EYS: variants seen among roughly 807,000 people sequenced by gnomAD.
EYS encodes the protein EGF-like photoreceptor maintenance factor.
A neutral mutation model predicts 282.1 loss-of-function variants in EYS; 250 were observed. That is an observed-to-expected ratio of 0.89 (90% CI 0.80 to 0.98). EYS has a LOEUF of 0.98. EYS is among the 50% of genes least tolerant of loss of function. EYS has a pLI of 0.00. For synonymous variants in EYS, 1,355 were observed against 1,282.9 expected, an observed-to-expected ratio of 1.06 and a Z score of -1.20; for missense variants, 4,016 against 3,709.0, an observed-to-expected ratio of 1.08 and a Z score of -2.15.
At chr6:64,066,088 C>T (rs1771356300) in intron 33 of EYS, among the ~76,000 whole-genome samples, 1 of 151,892 alleles carries the variant, frequency 6.6e-6, no homozygotes, top group Non-Finnish European at 1.5e-5. Context: ...ATGGTGAAAC[C>T]CCATCTCTAC....
chr6:65,003,747 A>C (rs891343787), intron 13 of EYS, among the ~76,000 whole-genome samples: 1 of 147,446 alleles, frequency 6.8e-6, no homozygotes, highest in Non-Finnish European at 1.5e-5. Context: ...AACCTACGTG[A>C]ATATCAGGGC....
chr6:65,121,822 T>C (rs957947945), intron 12 of EYS, among the ~76,000 whole-genome samples: 23 of 152,304 alleles, frequency 1.5e-4, no homozygotes, highest in African/African-American at 5.3e-4. Context: ...CTAGGTAAAA[T>C]TTAAAGCAGA....
intron 26 of EYS, among the ~76,000 whole-genome samples, chr6:64,543,997 AT>A (rs1451491056): frequency 6.6e-6 from 1 of 152,196 alleles, no homozygotes; most frequent in Non-Finnish European, 1.5e-5. Context: ...TTAATTTCTT[AT>A]TCATAGAAAG....
Position 65,363,983 on chromosome 6 carries a change from C to T in EYS, c.1300-10366G>A, listed in dbSNP as rs184351685. Among the ~76,000 whole-genome samples the T allele has an allele frequency of 1.5e-3, 221 of 151,282 alleles. 2 individuals are homozygous for T. The East Asian group carries it at 0.019, about 13-fold the overall frequency. On this transcript the variant is annotated intron_variant, in intron 8 of 42. Coordinates refer to ENST00000503581, the MANE Select transcript of EYS (RefSeq NM_001142800.2). ...CTTTTTTATTGTGCTACAATAATAT[C>T]TTAATTATTGGGGCTTTATAATTAA...
chr6:64,801,824 A>G (rs530845780), intron 22 of EYS, among the ~76,000 whole-genome samples: 1 of 152,042 alleles, frequency 6.6e-6, no homozygotes, highest in Non-Finnish European at 1.5e-5. Flanking sequence ...GGAAGTGGAC[A>G]TGGTAGAAAG....
At chr6:64,813,264 G>A in intron 22 of EYS, 114 bp downstream of exon 22, 2 of 675,062 alleles carry the variant, frequency 3.0e-6, no homozygotes, top group South Asian at 2.4e-5. Context: ...ATATATATAA[G>A]GTAAAATCTT....
At chr6:64,437,288 G>GA (rs1156651268) in intron 27 of EYS, among the ~76,000 whole-genome samples, 23 of 151,290 alleles carry the variant, frequency 1.5e-4, no homozygotes, top group Admixed American at 1.5e-3. Context: ...TATCAAATGG[G>GA]AAAAAAATTA....
intron 31 of EYS, among the ~76,000 whole-genome samples, chr6:64,211,440 A>T (rs1383266667): frequency 6.6e-6 from 1 of 151,896 alleles, no homozygotes; most frequent in Non-Finnish European, 1.5e-5. Context: ...GTAAAATTAA[A>T]TTTGCTCTCA....
chr6:64,721,083 C>A (rs1377809320), intron 22 of EYS, among the ~76,000 whole-genome samples: 2 of 152,108 alleles, frequency 1.3e-5, no homozygotes, highest in Non-Finnish European at 2.9e-5. Context: ...CTACAAAGTG[C>A]CAGGCTCTAT....
chr6:64,975,372 T>A (rs545747640), intron 14 of EYS, among the ~76,000 whole-genome samples: 1 of 152,010 alleles, frequency 6.6e-6, no homozygotes, highest in African/African-American at 2.4e-5. Context: ...CTCTCTGTGC[T>A]GTAACTTAAA....
chr6:65,405,381 C>CA lies in EYS; in HGVS notation c.863-15dup. ...CACAGAATGGACCTTAAAAAAATCACACACAAGAAAAAAAAAGAAAAGGAA... is the reference window on the plus strand; with the variant it reads ...CACAGAATGGACCTTAAAAAAATCACAACACAAGAAAAAAAAAGAAAAGGAA... On this transcript the variant is annotated splice_polypyrimidine_tract_variant and intron_variant, in intron 5 of 42. Coordinates refer to ENST00000503581, the MANE Select transcript of EYS (RefSeq NM_001142800.2). The CA allele has an allele frequency of 6.7e-7, 1 of 1,482,880 alleles. No homozygotes were observed. The highest frequency in any genetic ancestry group is 2.1e-5 in the Admixed American group (1 of 48,190). The allele number at this position is 1,482,880 out of a possible 1,614,324, so 91.9% of individuals were successfully genotyped here. A position where few individuals can be genotyped will look rare whatever the true frequency, so the allele number is the denominator to read the frequency against.
At chr6:65,054,127 AT>A (rs1561942405) in intron 13 of EYS, among the ~76,000 whole-genome samples, 1 of 152,000 alleles carries the variant, frequency 6.6e-6, no homozygotes, top group Non-Finnish European at 1.5e-5. Flanking sequence ...AAAAAATTCA[AT>A]TCTAGTGAGG....
chr6:65,463,083 C>A (rs563387174), intron 5 of EYS, among the ~76,000 whole-genome samples: 1 of 152,160 alleles, frequency 6.6e-6, no homozygotes, highest in African/African-American at 2.4e-5. Flanking sequence ...ATGACTGTTT[C>A]CAAACATGTC....
rs192281196 is a variant in EYS, at chr6:64,462,363, G to A, written c.5645-23011C>T. Among the ~76,000 whole-genome samples the A allele has an allele frequency of 5.6e-4, 86 of 152,226 alleles. 2 individuals are homozygous for A. In the East Asian group the frequency reaches 0.011, roughly 20 times the overall value. ...CAAATTTGAAGCTTCTTGTCATCTGGATGTCCTTGTACATCTCACTGGGCT... is the reference window on the plus strand; with the variant it reads ...CAAATTTGAAGCTTCTTGTCATCTGAATGTCCTTGTACATCTCACTGGGCT... On this transcript the variant is annotated intron_variant, in intron 26 of 42. Coordinates refer to ENST00000503581, the MANE Select transcript of EYS (RefSeq NM_001142800.2).
chr6:64,776,909 A>T (rs969752102), intron 22 of EYS, among the ~76,000 whole-genome samples: 1 of 152,160 alleles, frequency 6.6e-6, no homozygotes, highest in South Asian at 2.1e-4. Context: ...CTATAAGGAC[A>T]TGCCTGAGGC....
At chr6:63,903,203 A>G (rs1417340974) in intron 35 of EYS, among the ~76,000 whole-genome samples, 3 of 152,122 alleles carry the variant, frequency 2.0e-5, no homozygotes, top group Non-Finnish European at 4.4e-5. Flanking sequence ...CATATTGATC[A>G]AATATGGAAT....
chr6:65,331,648 A>G (rs1210952001), intron 11 of EYS: 1 of 981,320 alleles, frequency 1.0e-6, no homozygotes, highest in Non-Finnish European at 1.2e-6. Flanking sequence ...TCACAAAATC[A>G]GAAAAAAGGA....
At chr6:65,540,115 C>T (rs558769430) in intron 2 of EYS, among the ~76,000 whole-genome samples, 4 of 152,266 alleles carry the variant, frequency 2.6e-5, no homozygotes, top group South Asian at 2.1e-4. Context: ...TTAACAGAAT[C>T]GTAAATCCAG....
At chr6:65,463,130 T>C (rs985489183) in intron 5 of EYS, among the ~76,000 whole-genome samples, 12 of 152,160 alleles carry the variant, frequency 7.9e-5, no homozygotes, top group Non-Finnish European at 1.6e-4. Context: ...CTGCAGTAGC[T>C]CCCCATTTCA....
Sources: gnomAD v4.1 joint callset for allele counts (sites outside exome capture counted in the v4.1 genomes callset) on GRCh38, gnomAD v4.1.1 for gene constraint, MANE v1.5 for transcripts, NCBI Gene and HGNC (gene_info 2026-07-23, HGNC 2026-07-21) for gene names.